Variants in INPP4B observed in about 807,000 individuals in gnomAD.
The protein encoded by INPP4B is inositol polyphosphate-4-phosphatase type II B.
INPP4B carries 55 observed loss-of-function variants against 122.5 expected under a neutral mutation model. That is an observed-to-expected ratio of 0.45 (90% CI 0.36 to 0.56). INPP4B has a LOEUF of 0.56. Ranked by LOEUF, INPP4B falls within the 20% of genes least tolerant of loss-of-function variation. The pLI is 0.00. For missense variants in INPP4B, 1,000 were observed against 1,097.7 expected, an observed-to-expected ratio of 0.91 and a Z score of 1.26; for synonymous variants, 403 against 388.7, an observed-to-expected ratio of 1.04 and a Z score of -0.43.
intron 25 of INPP4B, among the ~76,000 whole-genome samples, chr4:142,075,391 C>G (rs1770059014): frequency 6.6e-6 from 1 of 151,386 alleles, no homozygotes; most frequent in South Asian, 2.1e-4. Flanking sequence ...TCTCTGGGGG[C>G]CCCGGATATG....
chr4:142,583,636 TACAA>T (rs147261001), intron 2 of INPP4B: 1 of 152,260 alleles, frequency 6.6e-6, no homozygotes, highest in East Asian at 1.9e-4. Flanking sequence ...GGGTGCAATA[TACAA>T]ACAGCGTGTG....
intron 1 of INPP4B, among the ~76,000 whole-genome samples, chr4:142,779,554 T>C (rs1048316620): frequency 6.6e-6 from 1 of 152,114 alleles, no homozygotes; most frequent in South Asian, 2.1e-4. Flanking sequence ...TATTATTTAT[T>C]ATTTTGTACC....
chr4:142,729,689 G>A (rs1360978538), intron 1 of INPP4B, among the ~76,000 whole-genome samples: 1 of 152,104 alleles, frequency 6.6e-6, no homozygotes, highest in Non-Finnish European at 1.5e-5. Context: ...CCTTTCACCT[G>A]TACTATGCTT....
intron 2 of INPP4B, among the ~76,000 whole-genome samples, chr4:142,700,625 A>G (rs1288362168): frequency 6.6e-6 from 1 of 152,048 alleles, no homozygotes; most frequent in Non-Finnish European, 1.5e-5. Flanking sequence ...GTCATTGTAC[A>G]CTTGCCCAAT....
chr4:142,438,078 C>T (rs575199871), intron 3 of INPP4B, among the ~76,000 whole-genome samples: 1 of 152,238 alleles, frequency 6.6e-6, no homozygotes, highest in East Asian at 1.9e-4. Flanking sequence ...AAAAACATTC[C>T]ACGCTCATGG....
chr4:142,345,612 T>C (rs1410602399), intron 7 of INPP4B, among the ~76,000 whole-genome samples: 1 of 152,016 alleles, frequency 6.6e-6, no homozygotes, highest in East Asian at 1.9e-4. Context: ...TTATAGCACA[T>C]TAATTAGAGA....
intron 2 of INPP4B, among the ~76,000 whole-genome samples, chr4:142,694,685 C>A (rs562596136): frequency 6.6e-6 from 1 of 152,246 alleles, no homozygotes; most frequent in Non-Finnish European, 1.5e-5. Flanking sequence ...AAGGGTCAGA[C>A]ATTATCTGCA....
chr4:142,448,734 G>C (rs1322217772), intron 3 of INPP4B, among the ~76,000 whole-genome samples: 2 of 152,072 alleles, frequency 1.3e-5, no homozygotes, highest in Non-Finnish European at 2.9e-5. Context: ...ACTATATTCA[G>C]AATTTTGCAA....
intron 25 of INPP4B, among the ~76,000 whole-genome samples, chr4:142,049,940 T>A (rs950073468): frequency 6.6e-6 from 1 of 151,828 alleles, no homozygotes; most frequent in African/African-American, 2.4e-5. Context: ...GAAAGAAATA[T>A]GAAAGGCAAT....
chr4:142,123,833 G>A (rs559572687), intron 19 of INPP4B, among the ~76,000 whole-genome samples: 3 of 152,212 alleles, frequency 2.0e-5, no homozygotes, highest in East Asian at 1.9e-4. Context: ...CATATTTTCC[G>A]ACACCTGGTT....
chr4:142,175,411 A>T (rs1370776143), intron 15 of INPP4B, among the ~76,000 whole-genome samples: 1 of 151,806 alleles, frequency 6.6e-6, no homozygotes, highest in African/African-American at 2.4e-5. Flanking sequence ...TTATTTATTT[A>T]CTTATTTAGT....
chr4:142,763,778 T>A (rs1056637371), intron 1 of INPP4B, among the ~76,000 whole-genome samples: 4 of 152,090 alleles, frequency 2.6e-5, no homozygotes, highest in Non-Finnish European at 5.9e-5. Context: ...TACATCTCTG[T>A]GGTTAGGAAA....
rs542975522 is a variant in INPP4B, at chr4:142,097,053, A to G, written c.2375-10797T>C. ...AAATGAGGGTTTCAGATAATTTTGT[A>G]TGTTCCCATAATGAAAAAAAAGCTA... On this transcript the variant is annotated intron_variant, in intron 23 of 25. Transcript: ENST00000262992. Among the ~76,000 whole-genome samples the G allele has an allele frequency of 8.7e-4, 132 of 152,142 alleles. 1 individual carries two copies. The highest frequency in any genetic ancestry group is 3.0e-3 in the African/African-American group (124 of 41,550).
At chr4:142,712,037 G>T (rs1468815725) in intron 2 of INPP4B, among the ~76,000 whole-genome samples, 1 of 152,076 alleles carries the variant, frequency 6.6e-6, no homozygotes, top group Admixed American at 6.5e-5. Flanking sequence ...GACAGAGTGA[G>T]ACTCTGTCTC....
intron 23 of INPP4B, among the ~76,000 whole-genome samples, chr4:142,095,698 A>T (rs1219986064): frequency 1.3e-5 from 2 of 152,192 alleles, no homozygotes; most frequent in Non-Finnish European, 2.9e-5. Context: ...AATTAAGATA[A>T]GTCAACATAG....
At chr4:142,078,064 C>T (rs1163179470) in intron 25 of INPP4B, among the ~76,000 whole-genome samples, 1 of 151,652 alleles carries the variant, frequency 6.6e-6, no homozygotes, top group South Asian at 2.1e-4. Context: ...AGAGTCAGAT[C>T]ACCCAGACAC....
intron 6 of INPP4B, 61 bp from the exon 7 acceptor site, chr4:142,403,115 G>A (rs908773721): frequency 2.2e-5 from 19 of 864,614 alleles, no homozygotes; most frequent in Non-Finnish European, 3.6e-5. Context: ...TTGGCAGCAC[G>A]CAAGTGACAC....
At position 142,731,144 on chromosome 4, in the gene INPP4B, C is replaced by T. The variant is rs140276487; in HGVS notation, c.-253-5243G>A. On this transcript the variant is annotated intron_variant, in intron 1 of 25. Coordinates refer to ENST00000262992, the MANE Select transcript of INPP4B (RefSeq NM_001101669.3). Reference sequence around the variant, plus strand: ...GTATCCCTTCCCCCACCCCATTCCCCTGAAAGGCCCAAGTGTGTATTGTTC... The same window carrying T: ...GTATCCCTTCCCCCACCCCATTCCCTTGAAAGGCCCAAGTGTGTATTGTTC... Among the ~76,000 whole-genome samples, 1,293 of 152,150 alleles carry T rather than the reference C, an allele frequency of 8.5e-3. 13 individuals carry two copies. The highest frequency in any genetic ancestry group is 0.028 in the African/African-American group (1,179 of 41,480).
chr4:142,595,077 T>C (rs1339837359), intron 2 of INPP4B, among the ~76,000 whole-genome samples: 1 of 152,160 alleles, frequency 6.6e-6, no homozygotes, highest in East Asian at 1.9e-4. Flanking sequence ...TTTCGGTTAT[T>C]GTCATTATTT....
Sources: gnomAD v4.1 joint callset for allele counts (sites outside exome capture counted in the v4.1 genomes callset) on GRCh38, gnomAD v4.1.1 for gene constraint, MANE v1.5 for transcripts, NCBI Gene and HGNC (gene_info 2026-07-23, HGNC 2026-07-21) for gene names.